Variants in FMNL3 observed in about 807,000 individuals in gnomAD.
FMNL3 encodes the protein formin like 3.
Under a neutral mutation model 119.6 loss-of-function variants are expected in FMNL3, and 57 were observed. The ratio of observed to expected loss-of-function variants is 0.48; its 90% CI spans 0.39 to 0.59. FMNL3 has a LOEUF of 0.59. FMNL3 is among the 20% of genes least tolerant of loss of function. The pLI is 0.00. For synonymous variants in FMNL3, 491 were observed against 507.3 expected (o/e 0.97, Z 0.43); for missense variants, 1,053 against 1,323.5 (o/e 0.80, Z 3.17).
rs1453170502 is a variant in FMNL3, at chr12:49,653,599, G to C, written c.1221+126C>G. The C allele has an allele frequency of 4.4e-6, 6 of 1,357,064 alleles. No individual in the cohort carries two copies. The African/African-American group carries it at 8.7e-5, about 20-fold the overall frequency. 84.1% of individuals were successfully genotyped at this position (1,357,064 alleles called of 1,614,324 possible). ...GTGGCTCAGGCCTGAGTATGCTCTT[G>C]AGAGCCCTGGTGGGTTCTAAAGCCT... On this transcript the variant is annotated intron_variant, in intron 12 of 25. Coordinates refer to ENST00000335154, the MANE Select transcript of FMNL3 (RefSeq NM_175736.5).
intron 1 of FMNL3, among the ~76,000 whole-genome samples, chr12:49,686,264 T>C (rs1049981763): frequency 1.9e-4 from 29 of 150,112 alleles, no homozygotes; most frequent in Non-Finnish European, 3.3e-4. Flanking sequence ...TGAGCCACTG[T>C]GTCCAGCCTT....
intron 1 of FMNL3, among the ~76,000 whole-genome samples, chr12:49,702,232 G>A (rs1478538343): frequency 6.6e-6 from 1 of 152,322 alleles, no homozygotes; most frequent in Non-Finnish European, 1.5e-5. Context: ...AAGCCTGGGA[G>A]TTCAAAGCTG....
intron 1 of FMNL3, among the ~76,000 whole-genome samples, chr12:49,697,972 T>C (rs560199339): frequency 1.3e-5 from 2 of 152,070 alleles, no homozygotes; most frequent in African/African-American, 2.4e-5. Context: ...TGGGAAACAC[T>C]AGGAGGATCT....
At chr12:49,655,615 A>G (rs150880249) in intron 9 of FMNL3, among the ~76,000 whole-genome samples, 14 of 152,200 alleles carry the variant, frequency 9.2e-5, no homozygotes, top group Non-Finnish European at 1.6e-4. Flanking sequence ...GGAGGGAAAG[A>G]AGGAGGAAGG....
At chr12:49,659,600 G>A (rs1342622570) in intron 5 of FMNL3, among the ~76,000 whole-genome samples, 1 of 152,044 alleles carries the variant, frequency 6.6e-6, no homozygotes, top group Non-Finnish European at 1.5e-5. Context: ...TTCTTGTAGA[G>A]ATGGAGTCTT....
chr12:49,673,234 C>T lies in FMNL3; in HGVS notation c.127-4680G>A, dbSNP rs537648998. 8.5e-5 allele frequency among the ~76,000 whole-genome samples: 13 copies of T among 152,330 alleles called. No homozygotes were observed. In the South Asian group the frequency reaches 1.7e-3, roughly 19 times the overall value. ...GTCCTGGGCACCACACACTTCTCAA[C>T]GTGCTGCTGAGCCCCTGACCGCAGG... is the stretch of plus-strand genomic sequence containing the variant. On this transcript the variant is annotated intron_variant, in intron 1 of 25. Transcript: ENST00000335154.
chr12:49,694,633 G>T (rs1196871772), intron 1 of FMNL3, among the ~76,000 whole-genome samples: 2 of 152,050 alleles, frequency 1.3e-5, no homozygotes, highest in African/African-American at 2.4e-5. Flanking sequence ...ATATCAGGAC[G>T]AGTGCGGTGG....
chr12:49,674,396 G>C (rs1419682811), intron 1 of FMNL3, among the ~76,000 whole-genome samples: 1 of 152,188 alleles, frequency 6.6e-6, no homozygotes, highest in Admixed American at 6.5e-5. Flanking sequence ...AAGCACTCAA[G>C]AATATAAAGG....
At position 49,649,402 on chromosome 12, in the gene FMNL3, T is replaced by C; in HGVS notation, c.2305-63A>G. On this transcript the variant is annotated intron_variant, in intron 19 of 25. Transcript: ENST00000335154. The surrounding 1 kb of genome is among the most constrained non-coding windows in gnomAD (Gnocchi z 5.6). ...GTCCTGAAGGCTCCTTCTTCCTCTC[T>C]GTATAGCCCCAGGCCCCCACCTAGG... is the stretch of plus-strand genomic sequence containing the variant. 1 of 1,613,600 alleles carries C rather than the reference T, an allele frequency of 6.2e-7. No individual in the cohort carries two copies. The highest frequency in any genetic ancestry group is 8.5e-7 in the Non-Finnish European group (1 of 1,179,612).
chr12:49,658,158 T>C (rs538961014), intron 6 of FMNL3, among the ~76,000 whole-genome samples: 1 of 148,850 alleles, frequency 6.7e-6, no homozygotes, highest in South Asian at 2.2e-4. Flanking sequence ...AATGGCAGAG[T>C]GAGAGGAATG....
intron 1 of FMNL3, among the ~76,000 whole-genome samples, chr12:49,679,347 C>T (rs1229666752): frequency 6.6e-6 from 1 of 152,022 alleles, no homozygotes. Flanking sequence ...TTGCACCTTT[C>T]CAAATTGTAT....
chr12:49,637,173 G>GGGT lies in FMNL3; in HGVS notation c.*8639_*8641dup, dbSNP rs1240898097. 1.7e-6 allele frequency: 1 copy of GGGT among 572,210 alleles called. No homozygotes were observed. Among genetic ancestry groups the GGGT allele is most frequent in the African/African-American group, 1.9e-5 (1 of 53,520 alleles). The allele number at this position is 572,210 out of a possible 1,614,324, so 35.4% of individuals were successfully genotyped here. A position where few individuals can be genotyped will look rare whatever the true frequency, so the allele number is the denominator to read the frequency against. The stretch of plus-strand genomic sequence containing the variant: ...GGCAGAGTTTATTCCCTCAGCTTGG[G>GGGT]GGTGGCAGTGGTGGTGGTAGTGCTA... On this transcript the variant is annotated 3_prime_UTR_variant, in exon 26 of 26. Transcript: ENST00000335154.
chr12:49,684,958 C>G (rs1413261280), intron 1 of FMNL3, among the ~76,000 whole-genome samples: 1 of 152,224 alleles, frequency 6.6e-6, no homozygotes, highest in East Asian at 1.9e-4. Context: ...GGGGTCCAAA[C>G]AAAGATGCTC....
chr12:49,670,911 C>CTCT (rs1194632306), intron 1 of FMNL3, among the ~76,000 whole-genome samples: 1 of 152,244 alleles, frequency 6.6e-6, no homozygotes, highest in Admixed American at 6.5e-5. Context: ...GCCAGATGAA[C>CTCT]TCAAGACAGA....
intron 1 of FMNL3, among the ~76,000 whole-genome samples, chr12:49,704,501 A>G (rs1805788603): frequency 6.6e-6 from 1 of 152,134 alleles, no homozygotes; most frequent in South Asian, 2.1e-4. Flanking sequence ...ACCTGAGGTC[A>G]GGAGTTCGAG....
intron 1 of FMNL3, among the ~76,000 whole-genome samples, chr12:49,679,323 G>C (rs1019461358): frequency 3.3e-5 from 5 of 151,954 alleles, no homozygotes; most frequent in African/African-American, 4.8e-5. Flanking sequence ...ACAATGAATC[G>C]TATTAGCCCT....
Position 49,707,236 on chromosome 12 carries a change from C to A in FMNL3, c.-56G>T. On this transcript the variant is annotated 5_prime_UTR_variant, in exon 1 of 26. Coordinates refer to ENST00000335154, the MANE Select transcript of FMNL3 (RefSeq NM_175736.5). ...CCCCACCTCCACGCTCCGGAGCTTT[C>A]GGCTCCGCGGCTCCGACCAGGCTCC... is the stretch of plus-strand genomic sequence containing the variant. The A allele has an allele frequency of 7.2e-7, 1 of 1,391,278 alleles. No individual in the cohort carries two copies. Among genetic ancestry groups the A allele is most frequent in the Non-Finnish European group, 9.4e-7 (1 of 1,066,828 alleles). The allele number at this position is 1,391,278 out of a possible 1,614,324, so 86.2% of individuals were successfully genotyped here.
chr12:49,674,917 G>A (rs1461370159), intron 1 of FMNL3, among the ~76,000 whole-genome samples: 2 of 152,226 alleles, frequency 1.3e-5, no homozygotes, highest in Non-Finnish European at 2.9e-5. Flanking sequence ...AGGGAAGTCA[G>A]ATGAAGGAGA....
In FMNL3 at chr12:49,646,941, C is replaced by T. The variant is rs199950012; in HGVS notation, c.2940G>A (p.Lys980=). The T allele has an allele frequency of 2.8e-5, 46 of 1,614,098 alleles. 1 individual carries two copies. In the Admixed American group the frequency reaches 7.5e-4, roughly 26 times the overall value. Residue 980 remains lysine, a synonymous_variant, in exon 25 of 26, where the codon AAG becomes AAA. Coordinates refer to ENST00000335154, the MANE Select transcript of FMNL3 (RefSeq NM_175736.5). ...TCCCCTCATAAACAGGCCGGTGTTC[C>T]TTGGCCTGGCGCCGCCTCAACTCTG... ...LIAELRRRQA[K]EHRPVYEGKD...
Sources: allele counts gnomAD v4.1 joint callset (sites outside exome capture counted in the v4.1 genomes callset), GRCh38; gene constraint gnomAD v4.1.1; non-coding constraint Gnocchi (gnomAD v3.1); transcripts MANE v1.5; gene names NCBI Gene and HGNC (gene_info 2026-07-23, HGNC 2026-07-21).